The following SEMA6D variants were observed in gnomAD, a reference collection of about 807,000 sequenced individuals.
The protein encoded by SEMA6D is semaphorin-6D.
A neutral mutation model predicts 106.6 loss-of-function variants in SEMA6D; 35 were observed. The ratio of observed to expected loss-of-function variants is 0.33; its 90% CI spans 0.25 to 0.44. The LOEUF is 0.44. SEMA6D is among the 20% of genes least tolerant of loss of function. SEMA6D has a pLI of 1.00. For missense variants in SEMA6D, 1,185 were observed against 1,345.9 expected, an observed-to-expected ratio of 0.88 and a Z score of 1.87; for synonymous variants, 499 against 487.7, an observed-to-expected ratio of 1.02 and a Z score of -0.31.
At chr15:47,642,978 T>A (rs1335457898) in intron 4 of SEMA6D, among the ~76,000 whole-genome samples, 1 of 151,188 alleles carries the variant, frequency 6.6e-6, no homozygotes. Flanking sequence ...GAGATAGATA[T>A]ACAGACAGAG....
intron 1 of SEMA6D, among the ~76,000 whole-genome samples, chr15:47,399,855 A>G (rs2040339471): frequency 6.6e-6 from 1 of 152,210 alleles, no homozygotes. Context: ...GAGAGAAGAA[A>G]TGGTTAGTGA....
At chr15:47,366,939 T>C (rs1188122672) in intron 1 of SEMA6D, among the ~76,000 whole-genome samples, 1 of 152,166 alleles carries the variant, frequency 6.6e-6, no homozygotes, top group African/African-American at 2.4e-5. Flanking sequence ...GTCAGAAAAA[T>C]GACAGCCAAT....
At chr15:47,489,854 G>A (rs1234640774) in intron 3 of SEMA6D, among the ~76,000 whole-genome samples, 4 of 151,984 alleles carry the variant, frequency 2.6e-5, no homozygotes, top group South Asian at 2.1e-4. Flanking sequence ...GTTTCATCAC[G>A]TTGGCCAGGC....
chr15:47,605,995 C>T (rs921751403), intron 4 of SEMA6D, among the ~76,000 whole-genome samples: 1 of 152,314 alleles, frequency 6.6e-6, no homozygotes. Context: ...AAGCTCCAAG[C>T]TTCTAATGAA....
chr15:47,270,404 C>A (rs1355061094), intron 1 of SEMA6D, among the ~76,000 whole-genome samples: 1 of 151,556 alleles, frequency 6.6e-6, no homozygotes, highest in Non-Finnish European at 1.5e-5. Flanking sequence ...ATAATCATAC[C>A]ATCTGACAAT....
intron 1 of SEMA6D, chr15:47,185,800 A>G (rs1272387015): frequency 1.3e-5 from 2 of 152,120 alleles, no homozygotes; most frequent in African/African-American, 4.8e-5. Flanking sequence ...ACTTTCTTCC[A>G]TTCTTTAAAT....
intron 2 of SEMA6D, among the ~76,000 whole-genome samples, chr15:47,453,159 G>A (rs994302001): frequency 2.6e-5 from 4 of 151,916 alleles, no homozygotes; most frequent in South Asian, 2.1e-4. Context: ...GTCAATGTTT[G>A]CCAAGCTAGA....
At position 47,550,518 on chromosome 15, in the gene SEMA6D, T is replaced by C. The variant is rs548844275; in HGVS notation, c.-86-50347T>C. On this transcript the variant is annotated intron_variant, in intron 3 of 19. Coordinates refer to the SEMA6D transcript ENST00000558014. ...AATATGTATTCCCTACTGTGAGAAC[T>C]AGACTACAGCCAAGGAATCTGAGTG... Among the ~76,000 whole-genome samples, 8 of 152,282 alleles carry C rather than the reference T, an allele frequency of 5.3e-5. 1 individual carries two copies. The highest frequency in any genetic ancestry group is 1.9e-4 in the African/African-American group (8 of 41,572).
In SEMA6D at chr15:47,371,106, A is replaced by G. The variant is rs574770742; in HGVS notation, c.-238-41287A>G. Among the ~76,000 whole-genome samples, 9 of 152,336 alleles carry G rather than the reference A, an allele frequency of 5.9e-5. No homozygotes were observed. The South Asian group carries it at 1.9e-3, about 32-fold the overall frequency. On this transcript the variant is annotated intron_variant, in intron 1 of 19. Transcript: ENST00000558014. ...ATATTAGCTTAGAGTTCCCCAAATC[A>G]ATATGGACTCTCATGTACTTTTCCT...
At chr15:47,387,354 G>A (rs1054730795) in intron 1 of SEMA6D, among the ~76,000 whole-genome samples, 12 of 152,168 alleles carry the variant, frequency 7.9e-5, no homozygotes, top group African/African-American at 2.9e-4. Context: ...TGAAACAAAT[G>A]GAAAGAAAAC....
chr15:47,232,324 T>C (rs945585894), intron 1 of SEMA6D, among the ~76,000 whole-genome samples: 9 of 152,012 alleles, frequency 5.9e-5, no homozygotes, highest in African/African-American at 2.2e-4. Flanking sequence ...GTGGTGAATT[T>C]TTTTGTGTGA....
At chr15:47,278,170 T>A (rs554146365) in intron 1 of SEMA6D, among the ~76,000 whole-genome samples, 1 of 152,238 alleles carries the variant, frequency 6.6e-6, no homozygotes, top group South Asian at 2.1e-4. Flanking sequence ...TAGTTCTAGA[T>A]CCCTGAGGAA....
intron 3 of SEMA6D, among the ~76,000 whole-genome samples, chr15:47,565,488 C>T (rs1402421854): frequency 1.7e-4 from 26 of 152,326 alleles, no homozygotes; most frequent in Non-Finnish European, 2.9e-5. Flanking sequence ...ACCCATGTCA[C>T]GAGTCCTGCA....
At chr15:47,253,485 G>C (rs1171225944) in intron 1 of SEMA6D, among the ~76,000 whole-genome samples, 1 of 152,156 alleles carries the variant, frequency 6.6e-6, no homozygotes, top group Non-Finnish European at 1.5e-5. Context: ...TAGTTTTATA[G>C]TTTCAAGTCT....
chr15:47,720,061 T>C (rs2079326921), intron 1 of SEMA6D, among the ~76,000 whole-genome samples: 1 of 152,222 alleles, frequency 6.6e-6, no homozygotes, highest in Admixed American at 6.5e-5. Flanking sequence ...CTTTGTTTGG[T>C]TTAGGTCTCT....
chr15:47,259,691 AG>A lies in SEMA6D; in HGVS notation c.-239+75274del, dbSNP rs2033978527. ...TGGATTTATCTTATTTGGCATTACC[AG>A]AGTCTTGAATCTGTACATTGGGTTT... On this transcript the variant is annotated intron_variant, in intron 1 of 19. Coordinates refer to the SEMA6D transcript ENST00000558014. Among the ~76,000 whole-genome samples, 6 of 152,268 alleles carry A rather than the reference AG, an allele frequency of 3.9e-5. No homozygotes were observed. In the South Asian group the frequency reaches 1.2e-3, roughly 32 times the overall value.
chr15:47,496,103 T>C (rs1342546127), intron 3 of SEMA6D, among the ~76,000 whole-genome samples: 1 of 152,074 alleles, frequency 6.6e-6, no homozygotes, highest in African/African-American at 2.4e-5. Flanking sequence ...AAACTTCTTT[T>C]TTAGGTTTCT....
intron 1 of SEMA6D, among the ~76,000 whole-genome samples, chr15:47,395,859 A>ATATGGAG (rs2040197214): frequency 6.6e-6 from 1 of 152,188 alleles, no homozygotes; most frequent in Non-Finnish European, 1.5e-5. Flanking sequence ...AGGATCAGCT[A>ATATGGAG]CTCAATATAT....
chr15:47,476,656 A>G (rs1034590091), intron 3 of SEMA6D, among the ~76,000 whole-genome samples: 1 of 152,128 alleles, frequency 6.6e-6, no homozygotes, highest in Non-Finnish European at 1.5e-5. Flanking sequence ...TGGGGGGAGC[A>G]TGAATATATA....
Sources: gnomAD v4.1 joint callset for allele counts (sites outside exome capture counted in the v4.1 genomes callset) on GRCh38, gnomAD v4.1.1 for gene constraint, MANE v1.5 for transcripts, NCBI Gene and HGNC (gene_info 2026-07-23, HGNC 2026-07-21) for gene names.